DAB1: variants seen among roughly 807,000 people sequenced by gnomAD.
DAB1 encodes the protein disabled homolog 1.
In DAB1, 15 loss-of-function variants were observed where a neutral mutation model predicts 64.6. That is an observed-to-expected ratio of 0.23 (90% CI 0.16 to 0.36). The LOEUF (loss-of-function observed/expected upper bound fraction) is 0.36, where lower values mean the gene tolerates loss of function less well. DAB1 is among the 10% of genes least tolerant of loss of function. DAB1 has a pLI of 1.00. For synonymous variants in DAB1, 235 were observed against 251.9 expected, an observed-to-expected ratio of 0.93 and a Z score of 0.64; for missense variants, 596 against 706.7, an observed-to-expected ratio of 0.84 and a Z score of 1.78.
At chr1:57,945,718 A>G (rs1645175187) in intron 5 of DAB1, among the ~76,000 whole-genome samples, 2 of 152,208 alleles carry the variant, frequency 1.3e-5, no homozygotes, top group African/African-American at 4.8e-5. Context: ...AGGCATATAC[A>G]TACCTGCATA....
chr1:57,096,781 T>C (rs76460075), intron 4 of DAB1, among the ~76,000 whole-genome samples: 1 of 152,350 alleles, frequency 6.6e-6, no homozygotes, highest in East Asian at 1.9e-4. Context: ...CACTACTATA[T>C]CCACATGCCT....
At chr1:57,107,305 G>T (rs1655255188) in intron 4 of DAB1, among the ~76,000 whole-genome samples, 1 of 151,668 alleles carries the variant, frequency 6.6e-6, no homozygotes, top group Admixed American at 6.6e-5. Context: ...AACCGGGGAG[G>T]CGGAAGTTGC....
chr1:57,237,670 A>C (rs917938284), intron 2 of DAB1, among the ~76,000 whole-genome samples: 6 of 152,356 alleles, frequency 3.9e-5, no homozygotes, highest in Admixed American at 3.9e-4. Context: ...GTTTGAGCCC[A>C]TCAATAGCCT....
At chr1:57,469,219 C>G (rs1337356395) in intron 7 of DAB1, among the ~76,000 whole-genome samples, 1 of 152,124 alleles carries the variant, frequency 6.6e-6, no homozygotes, top group Non-Finnish European at 1.5e-5. Context: ...GGCATGATTC[C>G]TACATTATAG....
intron 5 of DAB1, among the ~76,000 whole-genome samples, chr1:57,905,581 C>T (rs1644538098): frequency 2.0e-5 from 3 of 152,096 alleles, no homozygotes; most frequent in Admixed American, 6.6e-5. Flanking sequence ...CTGTACATTT[C>T]AAGATGGAGA....
chr1:57,496,361 T>C, intron 7 of DAB1, among the ~76,000 whole-genome samples: 1 of 151,982 alleles, frequency 6.6e-6, no homozygotes, highest in East Asian at 1.9e-4. Context: ...AATAAAAAAC[T>C]CTCTCTTGGT....
intron 7 of DAB1, among the ~76,000 whole-genome samples, chr1:57,640,296 T>C (rs565097063): frequency 1.2e-4 from 19 of 152,338 alleles, no homozygotes; most frequent in African/African-American, 4.3e-4. Context: ...AGGGGTATGT[T>C]TCCAGTGAGG....
chr1:58,310,913 G>T (rs1284162744), intron 4 of DAB1, among the ~76,000 whole-genome samples: 1 of 152,058 alleles, frequency 6.6e-6, no homozygotes, highest in East Asian at 1.9e-4. Flanking sequence ...CCTGCCAGAG[G>T]TGCCCTTCAT....
At chr1:57,442,181 G>A (rs893974717) in intron 7 of DAB1, among the ~76,000 whole-genome samples, 2 of 152,176 alleles carry the variant, frequency 1.3e-5, no homozygotes, top group African/African-American at 4.8e-5. Flanking sequence ...GTTGTAAAAT[G>A]GGGTTAATAG....
intron 5 of DAB1, among the ~76,000 whole-genome samples, chr1:57,968,606 C>G (rs563536685): frequency 2.0e-4 from 30 of 152,188 alleles, no homozygotes; most frequent in African/African-American, 7.2e-4. Context: ...GTCAGTAGAT[C>G]TTCGAAATGC....
intron 4 of DAB1, among the ~76,000 whole-genome samples, chr1:58,275,787 A>G (rs1326212300): frequency 6.6e-6 from 1 of 152,236 alleles, no homozygotes; most frequent in Non-Finnish European, 1.5e-5. Context: ...AGTTAAAAAT[A>G]GAATTACCAT....
intron 2 of DAB1, among the ~76,000 whole-genome samples, chr1:57,187,695 A>C (rs556951316): frequency 1.3e-5 from 2 of 152,364 alleles, no homozygotes; most frequent in East Asian, 3.9e-4. Flanking sequence ...GGGGCTAAAA[A>C]GAGGTTAAGA....
chr1:58,423,825 G>C (rs58338317), intron 3 of DAB1, among the ~76,000 whole-genome samples: 1 of 151,992 alleles, frequency 6.6e-6, no homozygotes, highest in Admixed American at 6.5e-5. Flanking sequence ...TGAGTGCATC[G>C]GCATGGCTTT....
intron 1 of DAB1, among the ~76,000 whole-genome samples, chr1:57,380,269 T>C (rs1026971935): frequency 2.0e-5 from 3 of 152,160 alleles, no homozygotes; most frequent in Non-Finnish European, 2.9e-5. Flanking sequence ...GGCTCTCTAT[T>C]TCCTGGAGGC....
intron 2 of DAB1, among the ~76,000 whole-genome samples, chr1:57,213,699 AGG>A (rs1482818880): frequency 6.6e-6 from 1 of 152,238 alleles, no homozygotes; most frequent in African/African-American, 2.4e-5. Context: ...ATCACCCTAC[AGG>A]CAGGTAACCT....
At chr1:57,582,138 C>G (rs1645320710) in intron 7 of DAB1, among the ~76,000 whole-genome samples, 1 of 152,160 alleles carries the variant, frequency 6.6e-6, no homozygotes, top group Non-Finnish European at 1.5e-5. Context: ...CTATTCACCT[C>G]CTGTATTAGT....
chr1:57,321,851 C>T (rs992440361), intron 1 of DAB1, among the ~76,000 whole-genome samples: 3 of 147,316 alleles, frequency 2.0e-5, no homozygotes, highest in African/African-American at 4.9e-5. Flanking sequence ...CAAAATTTTG[C>T]TCATCCACCA....
intron 7 of DAB1, among the ~76,000 whole-genome samples, chr1:57,577,991 G>A (rs971220675): frequency 1.5e-4 from 23 of 152,158 alleles, no homozygotes; most frequent in Admixed American, 1.2e-3. Flanking sequence ...CCCCAGCTGG[G>A]GTCAACAGAG....
intron 2 of DAB1, among the ~76,000 whole-genome samples, chr1:57,228,553 T>G (rs1482237727): frequency 6.6e-6 from 1 of 152,200 alleles, no homozygotes; most frequent in Non-Finnish European, 1.5e-5. Context: ...TGGCAAAAAC[T>G]AAAATGTGTG....
Sources: allele counts gnomAD v4.1 joint callset (sites outside exome capture counted in the v4.1 genomes callset), GRCh38; gene constraint gnomAD v4.1.1; transcripts MANE v1.5; gene names NCBI Gene and HGNC (gene_info 2026-07-23, HGNC 2026-07-21).